FAT3: variants seen among roughly 807,000 people sequenced by gnomAD.
The protein encoded by FAT3 is protocadherin Fat 3.
In FAT3, 95 loss-of-function variants were observed where a neutral mutation model predicts 310.2. The ratio of observed to expected loss-of-function variants is 0.31; its 90% CI spans 0.26 to 0.36. FAT3 has a LOEUF of 0.36. Among genes scored for constraint, FAT3 ranks in the 10% least tolerant of loss-of-function variants. FAT3 has a pLI of 1.00. For synonymous variants in FAT3, 2,314 were observed against 2,192.9 expected, an observed-to-expected ratio of 1.06 and a Z score of -1.54; for missense variants, 5,408 against 5,715.6, an observed-to-expected ratio of 0.95 and a Z score of 1.74.
At chr11:92,247,040 T>C (rs16917223) in intron 1 of FAT3, among the ~76,000 whole-genome samples, 7,807 of 152,092 alleles carry the variant, frequency 0.051, 270 homozygotes, top group African/African-American at 0.092. Context: ...TCTAAGGGAA[T>C]TGGAGAGACA....
chr11:92,414,265 ATTCATGATTGAGGAACTAGAACCT>A (rs1302579185), intron 2 of FAT3, among the ~76,000 whole-genome samples: 4 of 152,174 alleles, frequency 2.6e-5, no homozygotes, highest in Admixed American at 6.5e-5. Context: ...TCCCCACCCA[ATTCATGATTGAGGAACTAGAACCT>A]TTCATGAAAC....
At chr11:92,614,549 A>T (rs1194866826) in intron 3 of FAT3, among the ~76,000 whole-genome samples, 2 of 151,814 alleles carry the variant, frequency 1.3e-5, no homozygotes, top group African/African-American at 4.8e-5. Context: ...CCACTTTTTG[A>T]TTAGGTTGTT....
chr11:92,761,396 G>A (rs1946147665), intron 4 of FAT3, among the ~76,000 whole-genome samples: 1 of 152,286 alleles, frequency 6.6e-6, no homozygotes, highest in South Asian at 2.1e-4. Context: ...TTGGAAATTA[G>A]GTTTTAACAT....
intron 1 of FAT3, among the ~76,000 whole-genome samples, chr11:92,230,333 G>T (rs377019365): frequency 6.6e-6 from 1 of 151,954 alleles, no homozygotes; most frequent in Admixed American, 6.6e-5. Context: ...TCGCTCCATT[G>T]CCCAGGCTGG....
chr11:92,237,135 A>T (rs1864461290), intron 1 of FAT3, among the ~76,000 whole-genome samples: 2 of 152,322 alleles, frequency 1.3e-5, no homozygotes, highest in South Asian at 4.1e-4. Context: ...GCATATATTG[A>T]TTAGAGTTGG....
intron 2 of FAT3, among the ~76,000 whole-genome samples, chr11:92,496,801 G>C (rs1952781316): frequency 6.6e-6 from 1 of 152,010 alleles, no homozygotes; most frequent in African/African-American, 2.4e-5. Flanking sequence ...TTTATAATAT[G>C]AGAGTTGAGT....
intron 3 of FAT3, among the ~76,000 whole-genome samples, chr11:92,662,639 G>C (rs1011424017): frequency 1.3e-5 from 2 of 152,138 alleles, no homozygotes; most frequent in African/African-American, 4.8e-5. Flanking sequence ...CCCTCTTCTT[G>C]TGTTCTGTTC....
intron 4 of FAT3, among the ~76,000 whole-genome samples, chr11:92,755,215 T>TTTTG (rs71305390): frequency 0.067 from 10,119 of 151,410 alleles, 450 homozygotes; most frequent in Non-Finnish European, 0.1. Context: ...AGAGAGTAGT[T>TTTTG]TTTGTTTGTT....
intron 1 of FAT3, among the ~76,000 whole-genome samples, chr11:92,314,766 T>C (rs964109985): frequency 6.6e-6 from 1 of 152,222 alleles, no homozygotes; most frequent in African/African-American, 2.4e-5. Context: ...AGCTGTGTTA[T>C]CTTGCAAACT....
At chr11:92,411,375 C>T (rs896318207) in intron 2 of FAT3, among the ~76,000 whole-genome samples, 6 of 151,696 alleles carry the variant, frequency 4.0e-5, no homozygotes, top group African/African-American at 1.2e-4. Context: ...AGAGCAGTGT[C>T]GAGTGCCCAG....
chr11:92,717,189 C>T (rs569014863), intron 4 of FAT3, among the ~76,000 whole-genome samples: 107 of 152,276 alleles, frequency 7.0e-4, no homozygotes, highest in Admixed American at 3.4e-3. Flanking sequence ...AAAAATCCTC[C>T]ATGTTTCTTT....
intron 21 of FAT3, among the ~76,000 whole-genome samples, chr11:92,865,223 G>A (rs1413600833): frequency 2.0e-5 from 3 of 152,210 alleles, no homozygotes; most frequent in Non-Finnish European, 4.4e-5. Context: ...AGAAATGAGA[G>A]TCCCTAAGAA....
At chr11:92,750,368 G>GAA (rs1471517947) in intron 4 of FAT3, among the ~76,000 whole-genome samples, 1 of 152,154 alleles carries the variant, frequency 6.6e-6, no homozygotes, top group Non-Finnish European at 1.5e-5. Context: ...GGTATGCAGT[G>GAA]TTGACTGACA....
At position 92,831,508 on chromosome 11, in the gene FAT3, G is replaced by C. The variant is rs147349710; in HGVS notation, c.9482-114G>C. 319 of 854,978 alleles carry C rather than the reference G, an allele frequency of 3.7e-4. 6 individuals carry two copies. The East Asian group carries it at 8.6e-3, about 23-fold the overall frequency. The allele number at this position is 854,978 out of a possible 1,614,324, so 53.0% of individuals were successfully genotyped here. Reference sequence around the variant, plus strand: ...TGTAGAGCCACAGCTGTCTGTTTCTGTAATAACTATTTTTCTTGTTGTGGC... The same window carrying C: ...TGTAGAGCCACAGCTGTCTGTTTCTCTAATAACTATTTTTCTTGTTGTGGC... On this transcript the variant is annotated intron_variant, in intron 13 of 27. Transcript: ENST00000525166.
intron 25 of FAT3, among the ~76,000 whole-genome samples, chr11:92,888,041 G>A (rs890707656): frequency 6.6e-6 from 1 of 152,134 alleles, no homozygotes; most frequent in Non-Finnish European, 1.5e-5. Flanking sequence ...TTTTCCCAGA[G>A]TACAAAATGA....
intron 3 of FAT3, among the ~76,000 whole-genome samples, chr11:92,526,465 T>G (rs1427053181): frequency 2.6e-5 from 4 of 152,198 alleles, no homozygotes; most frequent in Non-Finnish European, 5.9e-5. Context: ...TTGATCCCAT[T>G]GCTACTTGAG....
intron 2 of FAT3, among the ~76,000 whole-genome samples, chr11:92,519,692 T>C (rs1953617616): frequency 6.6e-6 from 1 of 152,068 alleles, no homozygotes; most frequent in East Asian, 1.9e-4. Flanking sequence ...AATTTAAAAA[T>C]AGGCAAAACA....
At chr11:92,371,260 T>C (rs1326346310) in intron 2 of FAT3, among the ~76,000 whole-genome samples, 1 of 152,204 alleles carries the variant, frequency 6.6e-6, no homozygotes, top group Non-Finnish European at 1.5e-5. Flanking sequence ...TATCCACATA[T>C]TATGGATGAG....
rs573248701 is a variant in FAT3, at chr11:92,659,298, T to A, written c.3608-38086T>A. 3.3e-5 allele frequency among the ~76,000 whole-genome samples: 5 copies of A among 152,294 alleles called. No homozygotes were observed. In the East Asian group the frequency reaches 9.7e-4, roughly 29 times the overall value. On this transcript the variant is annotated intron_variant, in intron 3 of 27. Coordinates refer to ENST00000525166, the MANE Select transcript of FAT3 (RefSeq NM_001367949.2). ...AAGTTCTTGTTATTTCTGTTATTCA[T>A]TCCTACTGAAGAATAGAACTCAGGG...
Sources: gnomAD v4.1 joint callset for allele counts (sites outside exome capture counted in the v4.1 genomes callset) on GRCh38, gnomAD v4.1.1 for gene constraint, MANE v1.5 for transcripts, NCBI Gene and HGNC (gene_info 2026-07-23, HGNC 2026-07-21) for gene names.